Variants in SYCP2L observed in about 807,000 individuals in gnomAD.
SYCP2L encodes synaptonemal complex protein 2-like.
SYCP2L carries 98 observed loss-of-function variants against 125.8 expected under a neutral mutation model. The observed-to-expected ratio is 0.78, with a 90% CI of 0.66 to 0.92. The LOEUF is 0.92. Ranked by LOEUF, SYCP2L falls within the 40% of genes least tolerant of loss-of-function variation. SYCP2L has a pLI of 0.00. For synonymous variants in SYCP2L, 317 were observed against 325.4 expected (o/e 0.97, Z 0.28); for missense variants, 842 against 936.4 (o/e 0.90, Z 1.32).
At position 10,887,131 on chromosome 6, in the gene SYCP2L, A is replaced by T. The variant is rs1433315866; in HGVS notation, c.5A>T (p.Gln2Leu). The change falls in exon 1 of 30, where the codon CAA (glutamine) becomes CTA (leucine). Residue 2 changes from glutamine to leucine, a missense_variant. Gln to Leu is a moderately radical substitution (Grantham distance 113, BLOSUM62 -2). Coordinates refer to ENST00000283141, the MANE Select transcript of SYCP2L (RefSeq NM_001040274.3). Reference sequence around the variant, plus strand: ...CAGGAACGAAGAAGCCTCGTTATGCAAGCGGTGAGTGACCCCCGAAGGGCC... The same window carrying T: ...CAGGAACGAAGAAGCCTCGTTATGCTAGCGGTGAGTGACCCCCGAAGGGCC... M[Q>L]AKNKDALQPI... 6.2e-7 allele frequency: 1 copy of T among 1,614,150 alleles called. No homozygotes were observed.
intron 28 of SYCP2L, 138 bp from the exon 29 acceptor site, chr6:10,963,644 C>T (rs1043108257): frequency 1.8e-5 from 14 of 760,354 alleles, no homozygotes; most frequent in Non-Finnish European, 3.0e-5. Flanking sequence ...ACGTTAATAT[C>T]CTGGGGTGTT....
intron 29 of SYCP2L, among the ~76,000 whole-genome samples, chr6:10,967,572 T>TCTATTAA (rs1781704158): frequency 6.6e-6 from 1 of 151,764 alleles, no homozygotes; most frequent in Non-Finnish European, 1.5e-5. Flanking sequence ...CATTTAAGAA[T>TCTATTAA]CTATTAATTT....
At chr6:10,972,052 G>A (rs924759099) in intron 29 of SYCP2L, among the ~76,000 whole-genome samples, 3 of 152,064 alleles carry the variant, frequency 2.0e-5, no homozygotes, top group Non-Finnish European at 1.5e-5. Context: ...AATAGGACTC[G>A]CCTCTTAGCA....
At chr6:10,961,207 A>G in intron 26 of SYCP2L, 98 bp from the exon 27 acceptor site, 2 of 913,230 alleles carry the variant, frequency 2.2e-6, no homozygotes, top group Non-Finnish European at 3.5e-6. Context: ...TGTCTGGAGA[A>G]GAGTCTGAAG....
Position 10,912,787 on chromosome 6 carries a change from T to TTA in SYCP2L, c.1011+23_1011+24dup. The stretch of plus-strand genomic sequence containing the variant: ...TGAGGTAATGATGTTCGATTCTTGG[T>TTA]TAGAACTAAGCCTTTAGAGATCTTT... On this transcript the variant is annotated intron_variant, in intron 13 of 29. Coordinates refer to ENST00000283141, the MANE Select transcript of SYCP2L (RefSeq NM_001040274.3). This position sits in a 1 kb window ranked among gnomAD's most constrained non-coding sequence, Gnocchi z 4.1. 1.2e-6 allele frequency: 2 copies of TTA among 1,609,936 alleles called. No homozygotes were observed. The highest frequency in any genetic ancestry group is 1.7e-6 in the Non-Finnish European group (2 of 1,176,560).
intron 26 of SYCP2L, among the ~76,000 whole-genome samples, chr6:10,959,639 G>A (rs1226423771): frequency 3.3e-5 from 5 of 152,156 alleles, no homozygotes; most frequent in Non-Finnish European, 7.4e-5. Flanking sequence ...GGAGGCTGAG[G>A]TGGGTGGATC....
At chr6:10,910,717 G>C in intron 11 of SYCP2L, 107 bp from the exon 12 acceptor site, 1 of 1,179,874 alleles carries the variant, frequency 8.5e-7, no homozygotes, top group East Asian at 2.3e-5. Context: ...CTCTGTACGA[G>C]GAGACTTAAT....
At chr6:10,938,289 A>G (rs1003485760) in intron 21 of SYCP2L, among the ~76,000 whole-genome samples, 3 of 152,244 alleles carry the variant, frequency 2.0e-5, no homozygotes, top group African/African-American at 7.2e-5. Flanking sequence ...AAACCACATT[A>G]AGAGAATGAA....
chr6:10,893,363 C>T (rs1184530159), intron 2 of SYCP2L, among the ~76,000 whole-genome samples: 2 of 152,186 alleles, frequency 1.3e-5, no homozygotes, highest in African/African-American at 4.8e-5. Context: ...GAATTTCATT[C>T]ATTATGGTCA....
chr6:10,973,215 C>CA (rs1781805119), intron 29 of SYCP2L, among the ~76,000 whole-genome samples: 1 of 152,248 alleles, frequency 6.6e-6, no homozygotes, highest in East Asian at 1.9e-4. Context: ...CAGCTCCTAC[C>CA]AACCTCTTAT....
At position 10,898,750 on chromosome 6, in the gene SYCP2L, T is replaced by G. The variant is rs73723608; in HGVS notation, c.442-74T>G. 4,484 of 1,005,730 alleles carry G rather than the reference T, an allele frequency of 4.5e-3. 128 individuals are homozygous for G. In the African/African-American group the frequency reaches 0.06, roughly 13 times the overall value. 62.3% of individuals were successfully genotyped at this position (1,005,730 alleles called of 1,614,324 possible). ...CCTGCCTGTTAGAGAAAGTTAACAC[T>G]AATACATTCACATTACGGTTTATCA... On this transcript the variant is annotated intron_variant, in intron 5 of 29. Transcript: ENST00000283141.
intron 18 of SYCP2L, 126 bp downstream of exon 18, chr6:10,928,576 T>C: frequency 7.4e-7 from 1 of 1,352,348 alleles, no homozygotes; most frequent in Non-Finnish European, 9.6e-7. Flanking sequence ...TTAAAAAAAT[T>C]TTTTTAAGAC....
chr6:10,951,516 T>G (rs535806409), intron 23 of SYCP2L, among the ~76,000 whole-genome samples: 34 of 152,346 alleles, frequency 2.2e-4, no homozygotes, highest in Admixed American at 1.8e-3. Context: ...AAATAAATAT[T>G]TATTATCAGT....
In SYCP2L at chr6:10,924,502, A is replaced by T; in HGVS notation, c.1079A>T (p.Glu360Val). Residue 360 changes from glutamate to valine, a missense_variant, in exon 15 of 30, where the codon GAG becomes GTG. Glu to Val is a moderately radical substitution (Grantham distance 121). Transcript: ENST00000283141. ...AVMNFSITETEKIKIFIIYLK... is the reference protein window; with the variant it reads ...AVMNFSITETVKIKIFIIYLK... ...ATTCCATATTTTCTCTTAGAAACGG[A>T]GAAGATAAAGATATTTATCATTTAC... is the stretch of plus-strand genomic sequence containing the variant. The T allele has an allele frequency of 6.4e-7, 1 of 1,570,196 alleles. No individual in the cohort carries two copies. The highest frequency in any genetic ancestry group is 2.3e-5 in the East Asian group (1 of 43,478).
intron 14 of SYCP2L, among the ~76,000 whole-genome samples, chr6:10,918,328 T>C (rs1232067887): frequency 6.6e-6 from 1 of 152,170 alleles, no homozygotes; most frequent in Non-Finnish European, 1.5e-5. Context: ...CTAGCAAAGC[T>C]GGGGAAGTTT....
chr6:10,942,615 T>A (rs1278173460), intron 22 of SYCP2L, 62 bp from the exon 23 acceptor site: 7 of 1,597,122 alleles, frequency 4.4e-6, no homozygotes, highest in Non-Finnish European at 6.0e-6. Context: ...TTCTGACGAG[T>A]ACACCACTTG....
At chr6:10,953,120 G>GTTATTACTAGTTACTA (rs1316161840) in intron 23 of SYCP2L, among the ~76,000 whole-genome samples, 7 of 152,174 alleles carry the variant, frequency 4.6e-5, no homozygotes, top group South Asian at 2.1e-4. Flanking sequence ...GTCCTTAATA[G>GTTATTACTAGTTACTA]TTATTACTAG....
Position 10,893,901 on chromosome 6 carries a change from A to C in SYCP2L, c.113A>C (p.Lys38Thr). 1 of 1,610,386 alleles carries C rather than the reference A, an allele frequency of 6.2e-7. No homozygotes were observed. Among genetic ancestry groups the C allele is most frequent in the Non-Finnish European group, 8.5e-7 (1 of 1,179,228 alleles). ...CTTATTACGGATGCATTCCATGATA[A>C]AGGATTTCAGAAAATAAAAGAATAC... ...QSLITDAFHD[K>T]GFQKIKEYFQ... The change falls in exon 3 of 30, where the codon AAA (lysine) becomes ACA (threonine). Residue 38 changes from lysine to threonine, a missense_variant. Transcript: ENST00000283141.
chr6:10,964,232 C>T (rs1315519720), intron 29 of SYCP2L, among the ~76,000 whole-genome samples: 1 of 152,200 alleles, frequency 6.6e-6, no homozygotes, highest in Non-Finnish European at 1.5e-5. Flanking sequence ...GCTGGGATTA[C>T]AGGCGTGAGC....
Sources: gnomAD v4.1 joint callset for allele counts (sites outside exome capture counted in the v4.1 genomes callset) on GRCh38, gnomAD v4.1.1 for gene constraint, Gnocchi (gnomAD v3.1) non-coding constraint, MANE v1.5 for transcripts, NCBI Gene and HGNC (gene_info 2026-07-23, HGNC 2026-07-21) for gene names.